Variants in ZBBX observed in about 807,000 individuals in gnomAD.
ZBBX encodes zinc finger B-box domain containing.
Under a neutral mutation model 108.5 loss-of-function variants are expected in ZBBX, and 101 were observed. The ratio of observed to expected loss-of-function variants is 0.93; its 90% CI spans 0.79 to 1.10. The LOEUF (loss-of-function observed/expected upper bound fraction) is 1.10. Ranked by LOEUF, ZBBX falls within the 50% of genes least tolerant of loss-of-function variation. The pLI is 0.00. For missense variants in ZBBX, 1,009 were observed against 941.4 expected (o/e 1.07, Z -0.94); for synonymous variants, 356 against 323.4 (o/e 1.10, Z -1.08).
At chr3:167,264,059 A>T (rs1459606815) in intron 20 of ZBBX, among the ~76,000 whole-genome samples, 1 of 152,128 alleles carries the variant, frequency 6.6e-6, no homozygotes, top group Non-Finnish European at 1.5e-5. Context: ...TTGTCATAGA[A>T]TATCTTTTTT....
intron 5 of ZBBX, chr3:167,366,781 A>C (rs1001431764): frequency 2.2e-6 from 1 of 454,656 alleles, no homozygotes; most frequent in African/African-American, 2.0e-5. Flanking sequence ...AAAACTCACT[A>C]TCAGGGCTGA....
chr3:167,379,469 G>A (rs1402790502), intron 2 of ZBBX, among the ~76,000 whole-genome samples, 169 bp downstream of exon 2: 1 of 152,168 alleles, frequency 6.6e-6, no homozygotes, highest in Admixed American at 6.5e-5. Context: ...TAGACTATAA[G>A]ATAAGCTAAA....
chr3:167,189,396 C>A, the ZBBX span, among the ~76,000 whole-genome samples: 1,035 of 152,204 alleles, frequency 6.8e-3, 10 homozygotes, highest in South Asian at 8.9e-3. Flanking sequence ...CGGATGTCTG[C>A]AAGCCCAGAA....
chr3:167,263,346 T>C (rs1392779793), intron 20 of ZBBX, among the ~76,000 whole-genome samples: 1 of 152,208 alleles, frequency 6.6e-6, no homozygotes, highest in Non-Finnish European at 1.5e-5. Flanking sequence ...TTTTTGTTTT[T>C]ATTTCATGTA....
chr3:167,293,672 C>T (rs1731114257), intron 18 of ZBBX, among the ~76,000 whole-genome samples: 1 of 152,140 alleles, frequency 6.6e-6, no homozygotes, highest in South Asian at 2.1e-4. Context: ...TCCTATTCAA[C>T]ATAGTATTGG....
chr3:167,311,741 C>T (rs1319483778), intron 16 of ZBBX, among the ~76,000 whole-genome samples: 3 of 151,982 alleles, frequency 2.0e-5, no homozygotes, highest in Non-Finnish European at 4.4e-5. Flanking sequence ...AATATCACTA[C>T]ACAATTGCTA....
the ZBBX span, among the ~76,000 whole-genome samples, chr3:167,203,913 AGACT>A: frequency 6.6e-6 from 1 of 152,180 alleles, no homozygotes; most frequent in African/African-American, 2.4e-5. Context: ...CTGAGAACAC[AGACT>A]AAGTCTTATT....
In ZBBX at chr3:167,360,683, T is replaced by C; in HGVS notation, c.314A>G (p.Gln105Arg). Residue 105 changes from glutamine (Q) to arginine (R), a missense_variant, in exon 7 of 22, where the codon CAG (glutamine) becomes CGG (arginine). Gln to Arg is a conservative substitution (Grantham distance 43). Transcript: ENST00000675490. ...GGTGATAAATTATTTACCTTGAATC[T>C]GTTCCTTCAGCAATTTTAATTTCAC... ...GKVKLKLLKE[Q>R]IQEPVKPTVN... 7.2e-7 allele frequency: 1 copy of C among 1,383,856 alleles called. No homozygotes were observed. The highest frequency in any genetic ancestry group is 9.5e-7 in the Non-Finnish European group (1 of 1,054,918). 85.7% of individuals were successfully genotyped at this position (1,383,856 alleles called of 1,614,324 possible). A position where few individuals can be genotyped will look rare whatever the true frequency, so the allele number is the denominator to read the frequency against.
intron 4 of ZBBX, 46 bp from the exon 5 acceptor site, chr3:167,368,620 G>T: frequency 6.9e-7 from 1 of 1,453,562 alleles, no homozygotes; most frequent in Non-Finnish European, 9.2e-7. Flanking sequence ...AACAAGCGAA[G>T]CCAAAATAAT....
intron 20 of ZBBX, among the ~76,000 whole-genome samples, chr3:167,253,177 C>T (rs758412249): frequency 6.2e-4 from 95 of 152,040 alleles, no homozygotes; most frequent in Non-Finnish European, 8.8e-4. Context: ...GACATAATAA[C>T]TTTGAGAAGA....
chr3:167,317,665 T>A, intron 12 of ZBBX, 68 bp from the exon 13 acceptor site: 1 of 1,001,720 alleles, frequency 1.0e-6, no homozygotes, highest in Admixed American at 2.4e-5. Context: ...AGACAAGCTC[T>A]TGATTTATTT....
intron 12 of ZBBX, among the ~76,000 whole-genome samples, chr3:167,321,890 C>T (rs1455619397): frequency 6.6e-6 from 1 of 151,848 alleles, no homozygotes; most frequent in Non-Finnish European, 1.5e-5. Context: ...CTTATATACA[C>T]ATTTCCATTT....
chr3:167,244,429 A>G (rs1721212447), intron 20 of ZBBX, among the ~76,000 whole-genome samples: 1 of 152,242 alleles, frequency 6.6e-6, no homozygotes, highest in South Asian at 2.1e-4. Context: ...CAGGTGAGAT[A>G]TCCAAACTCT....
chr3:167,210,304 AAAG>A, the ZBBX span, among the ~76,000 whole-genome samples: 13 of 152,118 alleles, frequency 8.5e-5, no homozygotes, highest in Non-Finnish European at 1.5e-4. Flanking sequence ...AATTGATCAA[AAAG>A]AAGAAAAAAA....
At chr3:167,350,693 G>A (rs1162710423) in intron 8 of ZBBX, among the ~76,000 whole-genome samples, 178 bp from the exon 9 acceptor site, 1 of 151,548 alleles carries the variant, frequency 6.6e-6, no homozygotes. Context: ...GGGACTAGTT[G>A]TCCCAGTTAA....
chr3:167,327,299 T>G (rs1737572642), intron 11 of ZBBX, among the ~76,000 whole-genome samples: 1 of 152,132 alleles, frequency 6.6e-6, no homozygotes, highest in South Asian at 2.1e-4. Flanking sequence ...GACTCTCCCA[T>G]TTTATGTGTT....
intron 17 of ZBBX, among the ~76,000 whole-genome samples, 164 bp downstream of exon 17, chr3:167,305,479 A>G (rs73879658): frequency 6.6e-6 from 1 of 152,106 alleles, no homozygotes; most frequent in Non-Finnish European, 1.5e-5. Context: ...GAGGCCATTA[A>G]TGTTCTCTCC....
chr3:167,191,274 T>C, the ZBBX span, among the ~76,000 whole-genome samples: 591 of 152,284 alleles, frequency 3.9e-3, 2 homozygotes, highest in Non-Finnish European at 4.1e-3. Flanking sequence ...AATTTATAAA[T>C]TAAGAGCCTC....
At chr3:167,227,046 AG>A in the ZBBX span, among the ~76,000 whole-genome samples, 1 of 151,796 alleles carries the variant, frequency 6.6e-6, no homozygotes, top group South Asian at 2.1e-4. Context: ...AACATCACCC[AG>A]TGTGTCCTAA....
Sources: allele counts gnomAD v4.1 joint callset (sites outside exome capture counted in the v4.1 genomes callset), GRCh38; gene constraint gnomAD v4.1.1; transcripts MANE v1.5; gene names NCBI Gene and HGNC (gene_info 2026-07-23, HGNC 2026-07-21).